Variants in SUCLG2 observed in about 807,000 individuals in gnomAD.
SUCLG2 encodes the protein succinate--CoA ligase [GDP-forming] subunit beta, mitochondrial.
In SUCLG2, 42 loss-of-function variants were observed where a neutral mutation model predicts 47.9. The observed-to-expected ratio is 0.88, with a 90% CI of 0.69 to 1.14. The LOEUF (loss-of-function observed/expected upper bound fraction) is 1.14, where lower values mean the gene tolerates loss of function less well. Ranked by LOEUF, SUCLG2 falls within the 50% of genes most tolerant of loss-of-function variation. The pLI is 0.00. For synonymous variants in SUCLG2, 195 were observed against 197.3 expected (o/e 0.99, Z 0.10); for missense variants, 571 against 525.9 (o/e 1.09, Z -0.84).
chr3:67,645,441 C>T (rs940795291), intron 1 of SUCLG2, among the ~76,000 whole-genome samples: 2 of 152,154 alleles, frequency 1.3e-5, no homozygotes, highest in African/African-American at 2.4e-5. Flanking sequence ...ATTCAACACT[C>T]AGCCATTCAG....
chr3:67,535,204 G>C (rs758735038), intron 2 of SUCLG2, among the ~76,000 whole-genome samples: 21 of 151,566 alleles, frequency 1.4e-4, no homozygotes, highest in Non-Finnish European at 2.7e-4. Context: ...CGAAAGATGT[G>C]AGTCAGCCAG....
Position 67,568,585 on chromosome 3 carries a change from G to A in SUCLG2, c.227-39399C>T, listed in dbSNP as rs115948894. The stretch of plus-strand genomic sequence containing the variant: ...TCCCTCATTCTTCCTAGAGCAGCAA[G>A]CTTTTAAAAAATAAAGAGTGAGCCG... On this transcript the variant is annotated intron_variant, in intron 2 of 10. Transcript: ENST00000307227. Among the ~76,000 whole-genome samples, 220 of 152,222 alleles carry A rather than the reference G, an allele frequency of 1.4e-3. 1 individual carries two copies. Among genetic ancestry groups the A allele is most frequent in the African/African-American group, 4.9e-3 (205 of 41,556 alleles).
At chr3:67,396,139 A>C (rs1186711985) in intron 10 of SUCLG2, among the ~76,000 whole-genome samples, 1 of 152,146 alleles carries the variant, frequency 6.6e-6, no homozygotes, top group African/African-American at 2.4e-5. Flanking sequence ...AACACATTCA[A>C]AAGCTAGCAG....
chr3:67,635,657 C>T (rs1700997578), intron 1 of SUCLG2, among the ~76,000 whole-genome samples: 1 of 152,168 alleles, frequency 6.6e-6, no homozygotes, highest in South Asian at 2.1e-4. Context: ...CCCTCCCACC[C>T]CCAGTTTCCC....
intron 2 of SUCLG2, among the ~76,000 whole-genome samples, chr3:67,567,560 T>TA (rs1488461433): frequency 6.6e-6 from 1 of 152,200 alleles, no homozygotes; most frequent in Non-Finnish European, 1.5e-5. Context: ...ATTATAGGCA[T>TA]AAGCTACCTT....
intron 9 of SUCLG2, among the ~76,000 whole-genome samples, chr3:67,422,501 A>AAAAAAAAAAAAAAAAAAAAAG (rs1703189796): frequency 6.8e-6 from 1 of 146,138 alleles, no homozygotes; most frequent in Non-Finnish European, 1.5e-5. Context: ...AAAAAAAAAA[A>AAAAAAAAAAAAAAAAAAAAAG]AAGAACATTC....
chr3:67,546,265 A>G (rs1358657054), intron 2 of SUCLG2, among the ~76,000 whole-genome samples: 2 of 152,228 alleles, frequency 1.3e-5, no homozygotes, highest in African/African-American at 4.8e-5. Context: ...ACAGGAAAAT[A>G]CTTAAGAGCT....
At position 67,654,452 on chromosome 3, in the gene SUCLG2, G is replaced by A. The variant is rs1275334277; in HGVS notation, c.84+51C>T. 6 of 1,214,938 alleles carry A rather than the reference G, an allele frequency of 4.9e-6. No individual in the cohort carries two copies. The East Asian group carries it at 1.9e-4, about 39-fold the overall frequency. The allele number at this position is 1,214,938 out of a possible 1,614,324, so 75.3% of individuals were successfully genotyped here. A position where few individuals can be genotyped will look rare whatever the true frequency, so the allele number is the denominator to read the frequency against. ...GAGTAGCAGGGGGCGAGGGAAGCCC[G>A]GGCAGGCCGGCGCCGCTGCTGGCGC... On this transcript the variant is annotated intron_variant, in intron 1 of 10. Coordinates refer to ENST00000307227, the MANE Select transcript of SUCLG2 (RefSeq NM_003848.4).
At chr3:67,613,390 A>AT (rs1045618751) in intron 1 of SUCLG2, among the ~76,000 whole-genome samples, 19 of 152,122 alleles carry the variant, frequency 1.2e-4, no homozygotes, top group East Asian at 9.7e-4. Flanking sequence ...CCAAATATGT[A>AT]TTTTTTTTAT....
At chr3:67,493,335 T>C (rs918636106) in intron 9 of SUCLG2, among the ~76,000 whole-genome samples, 1 of 152,222 alleles carries the variant, frequency 6.6e-6, no homozygotes, top group Non-Finnish European at 1.5e-5. Context: ...TGTGCATTCA[T>C]TTTCCTGATA....
At chr3:67,583,578 T>C (rs74574241) in intron 2 of SUCLG2, among the ~76,000 whole-genome samples, 14,250 of 152,260 alleles carry the variant, frequency 0.094, 800 homozygotes, top group Middle Eastern at 0.14. Flanking sequence ...AGGTCAGAAG[T>C]CTGGCAGGAT....
chr3:67,620,134 G>A (rs899872658), intron 1 of SUCLG2, among the ~76,000 whole-genome samples: 18 of 152,166 alleles, frequency 1.2e-4, no homozygotes, highest in Admixed American at 2.6e-4. Context: ...TGTGGTCACT[G>A]TGTTTGACAT....
rs542229879 is a variant in SUCLG2, at chr3:67,550,012, C to A, written c.227-20826G>T. Among the ~76,000 whole-genome samples, 14 of 152,278 alleles carry A rather than the reference C, an allele frequency of 9.2e-5. No individual in the cohort carries two copies. The South Asian group carries it at 2.9e-3, about 32-fold the overall frequency. On this transcript the variant is annotated intron_variant, in intron 2 of 10. Transcript: ENST00000307227. ...CCATTCAGCTCTACTGGGCTTAAAC[C>A]ACTTCTTCATTTCATGGGAGGAGTG...
At chr3:67,437,140 C>G (rs1041658783) in intron 9 of SUCLG2, among the ~76,000 whole-genome samples, 2 of 152,010 alleles carry the variant, frequency 1.3e-5, no homozygotes, top group African/African-American at 4.8e-5. Context: ...AAAAAAAATA[C>G]TGTGTGTAAA....
chr3:67,633,637 C>A (rs17046784), intron 1 of SUCLG2, among the ~76,000 whole-genome samples: 5,483 of 152,258 alleles, frequency 0.036, 310 homozygotes, highest in African/African-American at 0.13. Context: ...AGTTAAAGAA[C>A]AATGCTTCCT....
At chr3:67,406,696 C>A (rs1382060609) in intron 9 of SUCLG2, among the ~76,000 whole-genome samples, 1 of 152,108 alleles carries the variant, frequency 6.6e-6, no homozygotes, top group Non-Finnish European at 1.5e-5. Context: ...AGATGGGCCC[C>A]CTCGCAAATC....
chr3:67,493,560 G>A (rs986202158), intron 9 of SUCLG2, among the ~76,000 whole-genome samples: 8 of 152,042 alleles, frequency 5.3e-5, no homozygotes, highest in African/African-American at 1.7e-4. Context: ...AAAATTTGAG[G>A]TGAGCCACTA....
chr3:67,497,579 G>T (rs377583549), intron 8 of SUCLG2, among the ~76,000 whole-genome samples: 1 of 152,088 alleles, frequency 6.6e-6, no homozygotes, highest in African/African-American at 2.4e-5. Flanking sequence ...CTTTAGCAAC[G>T]TGATTAAAGT....
At chr3:67,585,229 CACCTGAT>C (rs1227941449) in intron 2 of SUCLG2, among the ~76,000 whole-genome samples, 2 of 152,162 alleles carry the variant, frequency 1.3e-5, no homozygotes, top group African/African-American at 4.8e-5. Context: ...TTTCTCTAAT[CACCTGAT>C]ACCTCCAGGA....
Sources: allele counts gnomAD v4.1 joint callset (sites outside exome capture counted in the v4.1 genomes callset), GRCh38; gene constraint gnomAD v4.1.1; transcripts MANE v1.5; gene names NCBI Gene and HGNC (gene_info 2026-07-23, HGNC 2026-07-21).